CD247: variants seen among roughly 807,000 people sequenced by gnomAD.
The protein encoded by CD247 is CD247 molecule.
Under a neutral mutation model 30.0 loss-of-function variants are expected in CD247, and 13 were observed. That is an observed-to-expected ratio of 0.43 (90% CI 0.28 to 0.69). The LOEUF (loss-of-function observed/expected upper bound fraction) is 0.69, where lower values mean the gene tolerates loss of function less well. Ranked by LOEUF, CD247 falls within the 30% of genes least tolerant of loss-of-function variation. The pLI is 0.16. For missense variants in CD247, 193 were observed against 212.6 expected, an observed-to-expected ratio of 0.91 and a Z score of 0.57; for synonymous variants, 72 against 80.0, an observed-to-expected ratio of 0.90 and a Z score of 0.53.
At chr1:167,518,111 CT>C (rs1408072199) in intron 1 of CD247, among the ~76,000 whole-genome samples, 2 of 152,314 alleles carry the variant, frequency 1.3e-5, no homozygotes, top group Non-Finnish European at 2.9e-5. Flanking sequence ...TACCCTGGGC[CT>C]GCCTCGGTTG....
At chr1:167,502,506 A>G (rs1412116965) in intron 1 of CD247, among the ~76,000 whole-genome samples, 1 of 152,160 alleles carries the variant, frequency 6.6e-6, no homozygotes, top group Non-Finnish European at 1.5e-5. Flanking sequence ...CTGACCCTGA[A>G]ACAAAGATTA....
chr1:167,509,627 G>A (rs1484238773), intron 1 of CD247, among the ~76,000 whole-genome samples: 1 of 152,158 alleles, frequency 6.6e-6, no homozygotes, highest in Admixed American at 6.5e-5. Context: ...GAAACTATCT[G>A]GGTGCCGAGT....
At chr1:167,431,806 C>T in intron 7 of CD247, 60 bp from the exon 8 acceptor site, 2 of 1,451,478 alleles carry the variant, frequency 1.4e-6, no homozygotes, top group Non-Finnish European at 1.9e-6. Flanking sequence ...GGGCAGGAGC[C>T]AACCCAGAGG....
Position 167,517,634 on chromosome 1 carries a change from G to A in CD247, c.58+774C>T, listed in dbSNP as rs1467482920. ...TGGTGGTGACTTAACCAGGCACATC[G>A]TCTCATCTGCCCCGTGTTCTGTCAA... On this transcript the variant is annotated intron_variant, in intron 1 of 7. Coordinates refer to ENST00000362089, the MANE Select transcript of CD247 (RefSeq NM_198053.3). Among the ~76,000 whole-genome samples the A allele has an allele frequency of 2.0e-5, 3 of 152,334 alleles. 1 individual carries two copies. The highest frequency in any genetic ancestry group is 4.1e-4 in the South Asian group (2 of 4,824).
intron 1 of CD247, among the ~76,000 whole-genome samples, chr1:167,443,221 T>C (rs571451438): frequency 6.6e-6 from 1 of 152,290 alleles, no homozygotes; most frequent in East Asian, 1.9e-4. Flanking sequence ...CTGAGACCAA[T>C]GGCTGCATCT....
chr1:167,460,075 C>T lies in CD247; in HGVS notation c.59-19308G>A, dbSNP rs139098706. On this transcript the variant is annotated intron_variant, in intron 1 of 7. Transcript: ENST00000362089. ...TGGCATCATTCCTGTGTTTTCTACT[C>T]TCCCTCCCTAATCCTCTGAAAGTTT... 5.7e-3 allele frequency among the ~76,000 whole-genome samples: 863 copies of T among 152,246 alleles called. 3 individuals are homozygous for T. Among genetic ancestry groups the T allele is most frequent in the South Asian group, 0.012 (57 of 4,820 alleles).
intron 1 of CD247, among the ~76,000 whole-genome samples, chr1:167,481,975 T>A (rs1653990884): frequency 6.6e-6 from 1 of 152,206 alleles, no homozygotes; most frequent in African/African-American, 2.4e-5. Flanking sequence ...TCTTTTACTG[T>A]GTGTGATCCC....
chr1:167,477,790 A>T (rs1218401644), intron 1 of CD247, among the ~76,000 whole-genome samples: 1 of 152,150 alleles, frequency 6.6e-6, no homozygotes, highest in African/African-American at 2.4e-5. Flanking sequence ...TGGCCTCCCA[A>T]AGTGCTGAGA....
intron 1 of CD247, among the ~76,000 whole-genome samples, chr1:167,502,271 C>T (rs1005556735): frequency 6.6e-6 from 1 of 152,204 alleles, no homozygotes; most frequent in African/African-American, 2.4e-5. Flanking sequence ...CGGCCATCAG[C>T]GTTCAAAACG....
chr1:167,501,118 G>A (rs533432410), intron 1 of CD247, among the ~76,000 whole-genome samples: 3 of 149,188 alleles, frequency 2.0e-5, no homozygotes, highest in Admixed American at 6.7e-5. Flanking sequence ...GCAATGGCGC[G>A]ATCTCGGCTC....
chr1:167,514,220 T>G (rs933049025), intron 1 of CD247, among the ~76,000 whole-genome samples: 1 of 152,172 alleles, frequency 6.6e-6, no homozygotes, highest in African/African-American at 2.4e-5. Flanking sequence ...CACTGCAACC[T>G]CCGCCTCCCG....
intron 1 of CD247, among the ~76,000 whole-genome samples, chr1:167,473,365 C>T (rs1653611866): frequency 6.6e-6 from 1 of 152,194 alleles, no homozygotes; most frequent in Non-Finnish European, 1.5e-5. Flanking sequence ...CTGCAACCTG[C>T]ATATTGTTTC....
chr1:167,455,951 C>T (rs1033349601), intron 1 of CD247, among the ~76,000 whole-genome samples: 1 of 152,102 alleles, frequency 6.6e-6, no homozygotes, highest in Non-Finnish European at 1.5e-5. Flanking sequence ...AGGGCCGGCG[C>T]TGCCTCCTTG....
At chr1:167,487,668 G>A (rs1413944619) in intron 1 of CD247, among the ~76,000 whole-genome samples, 1 of 152,204 alleles carries the variant, frequency 6.6e-6, no homozygotes, top group Non-Finnish European at 1.5e-5. Context: ...TGACACAACA[G>A]CATTATCAAA....
intron 1 of CD247, among the ~76,000 whole-genome samples, chr1:167,492,873 T>A (rs548735189): frequency 6.6e-6 from 1 of 152,036 alleles, no homozygotes; most frequent in African/African-American, 2.4e-5. Flanking sequence ...TATCATGGCG[T>A]CTGCTAGGGG....
chr1:167,506,440 CA>C (rs1457680723), intron 1 of CD247, among the ~76,000 whole-genome samples: 1 of 151,784 alleles, frequency 6.6e-6, no homozygotes, highest in Admixed American at 6.6e-5. Flanking sequence ...CTCCGCCTCC[CA>C]GGCTCAAGCA....
At chr1:167,435,456 C>T (rs886675160) in intron 4 of CD247, 22 bp from the exon 5 acceptor site, 20 of 1,605,076 alleles carry the variant, frequency 1.2e-5, no homozygotes, top group African/African-American at 9.4e-5. Flanking sequence ...AACGGGAAGA[C>T]GTTAGAGGGA....
At chr1:167,434,578 C>A in intron 5 of CD247, 1 of 361,434 alleles carries the variant, frequency 2.8e-6, no homozygotes, top group Admixed American at 3.7e-5. Flanking sequence ...AGGGTCACAC[C>A]CAGGAGGGTG....
At position 167,440,626 on chromosome 1, in the gene CD247, G is replaced by T. The variant is rs770638774; in HGVS notation, c.162+38C>A. 9 of 1,391,076 alleles carry T rather than the reference G, an allele frequency of 6.5e-6. No individual in the cohort carries two copies. In the South Asian group the frequency reaches 8.2e-5, roughly 13 times the overall value. 86.2% of individuals were successfully genotyped at this position (1,391,076 alleles called of 1,614,324 possible). A position where few individuals can be genotyped will look rare whatever the true frequency, so the allele number is the denominator to read the frequency against. ...CCCTCTGAACATCCATCAAGTGGGG[G>T]ACCCCGTGCCCTCCTCCCAAAGCCC... On this transcript the variant is annotated intron_variant, in intron 2 of 7. Coordinates refer to ENST00000362089, the MANE Select transcript of CD247 (RefSeq NM_198053.3).
Sources: gnomAD v4.1 joint callset for allele counts (sites outside exome capture counted in the v4.1 genomes callset) on GRCh38, gnomAD v4.1.1 for gene constraint, MANE v1.5 for transcripts, NCBI Gene and HGNC (gene_info 2026-07-23, HGNC 2026-07-21) for gene names.